The following ZNF676 variants were observed in gnomAD, a reference collection of about 807,000 sequenced individuals.
ZNF676 encodes the protein zinc finger protein 676.
ZNF676 carries 4 observed loss-of-function variants against 6.0 expected under a neutral mutation model. The observed-to-expected ratio is 0.67, with a 90% CI of 0.33 to 1.53. The LOEUF (loss-of-function observed/expected upper bound fraction) is 1.53, where lower values mean the gene tolerates loss of function less well. Among genes scored for constraint, ZNF676 ranks in the 40% most tolerant of loss-of-function variants. The probability of loss-of-function intolerance (pLI) is 0.06; values close to 1 mark genes in which losing one functional copy is unlikely to be tolerated. For missense variants in ZNF676, 644 were observed against 679.7 expected, an observed-to-expected ratio of 0.95 and a Z score of 0.58; for synonymous variants, 198 against 223.1, an observed-to-expected ratio of 0.89 and a Z score of 1.00.
the ZNF676 span, among the ~76,000 whole-genome samples, chr19:22,237,882 G>A: frequency 3.9e-5 from 6 of 152,160 alleles, no homozygotes; most frequent in Non-Finnish European, 8.8e-5. Flanking sequence ...GACACCTGGT[G>A]AGGCTGTGCA....
At chr19:22,194,175 G>A (rs1262734887) in intron 1 of ZNF676, among the ~76,000 whole-genome samples, 2 of 152,170 alleles carry the variant, frequency 1.3e-5, no homozygotes, top group African/African-American at 4.8e-5. Context: ...CACAATTCCT[G>A]AAGAGGGAGT....
upstream of ZNF676, among the ~76,000 whole-genome samples, chr19:22,199,995 C>G (rs1229316804): frequency 6.6e-6 from 1 of 152,010 alleles, no homozygotes; most frequent in Non-Finnish European, 1.5e-5. Flanking sequence ...TTCTTTGAGG[C>G]AAGACTCCAG....
chr19:22,232,837 A>T, the ZNF676 span, among the ~76,000 whole-genome samples: 2 of 152,182 alleles, frequency 1.3e-5, no homozygotes, highest in African/African-American at 4.8e-5. Context: ...GGTTGAGATA[A>T]ATATTTTGAA....
At chr19:22,231,280 C>T in the ZNF676 span, among the ~76,000 whole-genome samples, 9 of 150,784 alleles carry the variant, frequency 6.0e-5, no homozygotes, top group East Asian at 2.0e-4. Flanking sequence ...AAAATCAAAA[C>T]GACACAAAGG....
chr19:22,250,106 C>T, the ZNF676 span, among the ~76,000 whole-genome samples: 1 of 151,358 alleles, frequency 6.6e-6, no homozygotes, highest in East Asian at 2.0e-4. Flanking sequence ...TGCTTGAGCC[C>T]AGGAGGCGGA....
In ZNF676 at chr19:22,181,052, T is replaced by C; in HGVS notation, c.665A>G (p.Glu222Gly). 1.9e-6 allele frequency: 3 copies of C among 1,570,054 alleles called. No individual in the cohort carries two copies. The highest frequency in any genetic ancestry group is 2.6e-6 in the Non-Finnish European group (3 of 1,151,172). Residue 222 changes from glutamate (E) to glycine (G), a missense_variant, in exon 3 of 3, where the codon GAG becomes GGG. This residue lies in a region of ZNF676 where 280 missense variants were observed against 269.3 expected (regional missense o/e 1.04). Transcript: ENST00000397121. ...LTKHKVIHTG[E>G]KPYKCEECGK... ...ACATTCTTCACATTTGTAGGGTTTC[T>C]CTCCAGTATGAATTACCTTATGTTT...
At chr19:22,256,586 G>A in the ZNF676 span, among the ~76,000 whole-genome samples, 1 of 152,104 alleles carries the variant, frequency 6.6e-6, no homozygotes, top group Admixed American at 6.5e-5. Flanking sequence ...GGTAATGGAT[G>A]CAGAGATATG....
chr19:22,207,103 G>A (rs1335730283), intron 1 of ZNF676, among the ~76,000 whole-genome samples: 2 of 152,032 alleles, frequency 1.3e-5, no homozygotes, highest in Non-Finnish European at 2.9e-5. Flanking sequence ...GAGCAATCAG[G>A]CAAAAGATAA....
chr19:22,192,505 A>G (rs1465470843), intron 2 of ZNF676, among the ~76,000 whole-genome samples: 2 of 152,104 alleles, frequency 1.3e-5, no homozygotes, highest in African/African-American at 4.8e-5. Flanking sequence ...AATCTTGAGG[A>G]AAAATAAAAA....
the ZNF676 span, among the ~76,000 whole-genome samples, chr19:22,230,998 C>T: frequency 6.6e-6 from 1 of 151,314 alleles, no homozygotes; most frequent in Non-Finnish European, 1.5e-5. Context: ...TAGATATTCA[C>T]ATACAAAAAA....
chr19:22,179,696 A>G lies in ZNF676; in HGVS notation c.*254T>C. On this transcript the variant is annotated 3_prime_UTR_variant, in exon 3 of 3. Transcript: ENST00000397121. ...TTGAAGTCTTTATCACATTCTTCGC[A>G]TTTGTAGGGTTTCTCTCCAGTATGA... The G allele has an allele frequency of 4.2e-6, 3 of 712,674 alleles. No individual in the cohort carries two copies. In the South Asian group the frequency reaches 4.6e-5, roughly 11 times the overall value. The allele number at this position is 712,674 out of a possible 1,614,324, so 44.1% of individuals were successfully genotyped here. A position where few individuals can be genotyped will look rare whatever the true frequency, so the allele number is the denominator to read the frequency against.
At chr19:22,250,143 C>T in the ZNF676 span, among the ~76,000 whole-genome samples, 1 of 151,206 alleles carries the variant, frequency 6.6e-6, no homozygotes. Context: ...GATCATGCCA[C>T]TGCACTCCAC....
At chr19:22,185,406 G>A (rs1215065874) in intron 2 of ZNF676, among the ~76,000 whole-genome samples, 1 of 152,038 alleles carries the variant, frequency 6.6e-6, no homozygotes, top group Non-Finnish European at 1.5e-5. Flanking sequence ...CCATAAAGAT[G>A]GGGAGAAACC....
chr19:22,233,840 C>A, the ZNF676 span, among the ~76,000 whole-genome samples: 4,853 of 152,276 alleles, frequency 0.032, 268 homozygotes, highest in African/African-American at 0.11. Context: ...AACAGGTCAT[C>A]CTATCCACTT....
At chr19:22,211,781 TACC>T (rs1198874265) in intron 1 of ZNF676, among the ~76,000 whole-genome samples, 1 of 152,190 alleles carries the variant, frequency 6.6e-6, no homozygotes, top group East Asian at 1.9e-4. Context: ...ACCAATTATC[TACC>T]ACATTTTCTT....
chr19:22,197,093 T>A (rs548273578), upstream of ZNF676: 164 of 212,656 alleles, frequency 7.7e-4, 1 homozygote, highest in African/African-American at 3.7e-3. Context: ...GAGGCTGAGG[T>A]GGGCAGATCA....
the ZNF676 span, chr19:22,244,509 T>C: frequency 1.3e-5 from 2 of 152,190 alleles, no homozygotes; most frequent in African/African-American, 4.8e-5. Context: ...ATCCCAACTA[T>C]AAGTAGAAAA....
intron 1 of ZNF676, among the ~76,000 whole-genome samples, chr19:22,209,948 G>A (rs1360540454): frequency 6.6e-6 from 1 of 152,208 alleles, no homozygotes; most frequent in Non-Finnish European, 1.5e-5. Flanking sequence ...GCCTTGTCCA[G>A]AGAGGGGTGT....
At chr19:22,243,517 T>C in the ZNF676 span, 2 of 151,994 alleles carry the variant, frequency 1.3e-5, no homozygotes, top group African/African-American at 4.9e-5. Context: ...GCCAGAGAGT[T>C]ACATCACCCA....
Sources: allele counts gnomAD v4.1 joint callset (sites outside exome capture counted in the v4.1 genomes callset), GRCh38; gene constraint gnomAD v4.1.1; regional missense constraint gnomAD v4.1.1; transcripts MANE v1.5; gene names NCBI Gene and HGNC (gene_info 2026-07-23, HGNC 2026-07-21).